Variants in RBFOX1 observed in about 807,000 individuals in gnomAD.
RBFOX1 encodes the protein RNA binding fox-1 homolog 1.
RBFOX1 carries 8 observed loss-of-function variants against 57.7 expected under a neutral mutation model. The observed-to-expected ratio is 0.14, with a 90% CI of 0.08 to 0.25. The LOEUF (loss-of-function observed/expected upper bound fraction) is 0.25, where lower values mean the gene tolerates loss of function less well. RBFOX1 is among the 10% of genes least tolerant of loss of function. The pLI is 1.00. For missense variants in RBFOX1, 611 were observed against 548.5 expected (o/e 1.11, Z -1.14); for synonymous variants, 326 against 222.4 (o/e 1.47, Z -4.15).
intron 4 of RBFOX1, among the ~76,000 whole-genome samples, chr16:7,267,318 T>A (rs2095183117): frequency 6.6e-6 from 1 of 152,222 alleles, no homozygotes; most frequent in South Asian, 2.1e-4. Context: ...GCGGATCACT[T>A]GAGGTCGGCA....
At chr16:5,246,484 CTT>C (rs2062303531) in intron 1 of RBFOX1, among the ~76,000 whole-genome samples, 3 of 152,010 alleles carry the variant, frequency 2.0e-5, no homozygotes, top group Admixed American at 2.0e-4. Context: ...AATCTACTCT[CTT>C]AGTGATTTCC....
At chr16:7,119,355 G>C (rs900993951) in intron 4 of RBFOX1, among the ~76,000 whole-genome samples, 1 of 152,086 alleles carries the variant, frequency 6.6e-6, no homozygotes, top group Non-Finnish European at 1.5e-5. Flanking sequence ...CACCTACTCT[G>C]TGGTGGCCAT....
At chr16:6,411,369 G>A (rs1174752710) in intron 2 of RBFOX1, among the ~76,000 whole-genome samples, 4 of 152,156 alleles carry the variant, frequency 2.6e-5, no homozygotes, top group African/African-American at 4.8e-5. Context: ...TGGCAAAAAT[G>A]TATATGTTTA....
rs766036062 is a variant in RBFOX1, at chr16:7,518,298, A to G, written c.179A>G (p.Glu60Gly). The G allele has an allele frequency of 6.2e-6, 10 of 1,613,996 alleles. 1 individual carries two copies. Among genetic ancestry groups the G allele is most frequent in the South Asian group, 5.5e-5 (5 of 91,084 alleles). The stretch of plus-strand genomic sequence containing the variant: ...TACACAGGCCAGACCACGGTTCCCG[A>G]GCACACATTAAACCTGTACCCTCCC... ...PEYTGQTTVP[E>G]HTLNLYPPAQ... is the part of the protein sequence containing the mutation. Residue 60 changes from glutamate (E) to glycine (G), a missense_variant, in exon 5 of 16, where the codon GAG becomes GGG. Glu to Gly is a moderately conservative substitution (Grantham distance 98). Transcript: ENST00000550418.
intron 2 of RBFOX1, among the ~76,000 whole-genome samples, chr16:6,426,599 C>T (rs147105740): frequency 6.6e-6 from 1 of 152,030 alleles, no homozygotes; most frequent in East Asian, 1.9e-4. Context: ...CCAGTGCACT[C>T]CAGCCTGGGC....
At chr16:6,469,601 G>A (rs546150405) in intron 2 of RBFOX1, among the ~76,000 whole-genome samples, 7 of 152,354 alleles carry the variant, frequency 4.6e-5, no homozygotes, top group African/African-American at 1.4e-4. Flanking sequence ...CACATCTCCT[G>A]TGTTAGGCTT....
rs140401124 is a variant in RBFOX1 at position 5,975,092 on chromosome 16, A to C, written c.351+107757A>C. 4.2e-3 allele frequency among the ~76,000 whole-genome samples: 636 copies of C among 152,342 alleles called. 8 individuals are homozygous for C. In the Middle Eastern group the frequency reaches 0.054, roughly 13 times the overall value. ...TTGGCCTCTTTTTTTAATAAGTTGA[A>C]ACAACAACAACAAAAGTGCCTTTGA... On this transcript the variant is annotated intron_variant, in intron 4 of 19. Transcript: ENST00000641259.
chr16:6,299,431 G>A (rs915932349), intron 1 of RBFOX1, among the ~76,000 whole-genome samples: 4 of 152,200 alleles, frequency 2.6e-5, no homozygotes, highest in East Asian at 3.9e-4. Context: ...TCCATATTAC[G>A]GGTGTAAAGA....
At chr16:7,051,659 A>T (rs559280491) in intron 3 of RBFOX1, among the ~76,000 whole-genome samples, 1 of 152,266 alleles carries the variant, frequency 6.6e-6, no homozygotes, top group African/African-American at 2.4e-5. Context: ...TGTGTTTTCC[A>T]CTGACTTATC....
intron 4 of RBFOX1, among the ~76,000 whole-genome samples, chr16:5,918,218 C>G (rs1014854479): frequency 6.6e-6 from 1 of 152,210 alleles, no homozygotes; most frequent in Non-Finnish European, 1.5e-5. Context: ...CTCCCAGGTT[C>G]AAGTGATTCT....
chr16:5,823,704 C>T (rs1001282614), intron 3 of RBFOX1, among the ~76,000 whole-genome samples: 3 of 152,152 alleles, frequency 2.0e-5, no homozygotes, highest in Non-Finnish European at 4.4e-5. Flanking sequence ...GTGAACTGCA[C>T]ATGTGAGGGA....
chr16:7,338,420 G>C (rs1208381835), intron 4 of RBFOX1, among the ~76,000 whole-genome samples: 1 of 152,132 alleles, frequency 6.6e-6, no homozygotes, highest in South Asian at 2.1e-4. Context: ...TTTAGAGAAA[G>C]GGTCTCACTC....
intron 4 of RBFOX1, among the ~76,000 whole-genome samples, chr16:5,992,415 T>A (rs2060416208): frequency 6.6e-6 from 1 of 152,224 alleles, no homozygotes; most frequent in African/African-American, 2.4e-5. Flanking sequence ...TTCTTAGCCA[T>A]CACTCAGTAC....
intron 11 of RBFOX1, among the ~76,000 whole-genome samples, chr16:7,650,130 TAAGA>T (rs898937292): frequency 1.2e-4 from 18 of 151,274 alleles, no homozygotes; most frequent in African/African-American, 3.4e-4. Flanking sequence ...GGAAGGAATG[TAAGA>T]AAGAAAGGAA....
At chr16:5,751,552 A>C (rs1471523798) in intron 3 of RBFOX1, among the ~76,000 whole-genome samples, 3 of 152,180 alleles carry the variant, frequency 2.0e-5, no homozygotes, top group African/African-American at 7.2e-5. Flanking sequence ...GTGAATCTGG[A>C]GGATGAACTC....
At chr16:6,064,731 G>A (rs943118410) in intron 1 of RBFOX1, among the ~76,000 whole-genome samples, 17 of 151,778 alleles carry the variant, frequency 1.1e-4, no homozygotes, top group African/African-American at 2.9e-4. Flanking sequence ...TAGTAGAGAC[G>A]GGGTTTCACC....
At chr16:7,662,213 G>T (rs1285731939) in intron 12 of RBFOX1, among the ~76,000 whole-genome samples, 2 of 152,154 alleles carry the variant, frequency 1.3e-5, no homozygotes, top group Non-Finnish European at 2.9e-5. Context: ...ATCTTTAGAA[G>T]TCATTATTTC....
intron 4 of RBFOX1, among the ~76,000 whole-genome samples, chr16:7,298,285 G>GTTTTTT (rs201092743): frequency 7.2e-5 from 7 of 96,588 alleles, no homozygotes; most frequent in East Asian, 2.9e-4. Context: ...GTTTTTTTTT[G>GTTTTTT]TTTTTTTTTT....
At chr16:7,100,057 G>C (rs571217979) in intron 4 of RBFOX1, among the ~76,000 whole-genome samples, 2 of 151,742 alleles carry the variant, frequency 1.3e-5, no homozygotes, top group South Asian at 4.2e-4. Flanking sequence ...TTCACATGAT[G>C]GGGGGTGAGG....
Sources: gnomAD v4.1 joint callset for allele counts (sites outside exome capture counted in the v4.1 genomes callset) on GRCh38, gnomAD v4.1.1 for gene constraint, MANE v1.5 for transcripts, NCBI Gene and HGNC (gene_info 2026-07-23, HGNC 2026-07-21) for gene names.